Variants in EDIL3 observed in about 807,000 individuals in gnomAD.
The protein encoded by EDIL3 is EGF-like repeat and discoidin I-like domain-containing protein 3.
Under a neutral mutation model 67.4 loss-of-function variants are expected in EDIL3, and 37 were observed. The observed-to-expected ratio is 0.55, with a 90% confidence interval of 0.42 to 0.72. EDIL3 has a LOEUF of 0.72. Ranked by LOEUF, EDIL3 falls within the 30% of genes least tolerant of loss-of-function variation. The pLI is 0.00. For synonymous variants in EDIL3, 195 were observed against 196.3 expected (o/e 0.99, Z 0.05); for missense variants, 527 against 586.3 (o/e 0.90, Z 1.04).
At chr5:84,025,766 G>A (rs1745799496) in intron 9 of EDIL3, among the ~76,000 whole-genome samples, 1 of 152,026 alleles carries the variant, frequency 6.6e-6, no homozygotes, top group Non-Finnish European at 1.5e-5. Flanking sequence ...CAAATATTTG[G>A]CATCATGATT....
At chr5:84,124,506 A>G (rs1747831868) in intron 5 of EDIL3, among the ~76,000 whole-genome samples, 1 of 151,936 alleles carries the variant, frequency 6.6e-6, no homozygotes, top group Admixed American at 6.6e-5. Context: ...TGAAAACTCT[A>G]TCGGAGATGC....
At chr5:84,137,427 T>C in intron 4 of EDIL3, 73 bp from the exon 5 acceptor site, 1 of 1,326,180 alleles carries the variant, frequency 7.5e-7, no homozygotes, top group Non-Finnish European at 1.1e-6. Context: ...AGTTTTAACA[T>C]TTGAAATACA....
intron 6 of EDIL3, chr5:84,078,940 T>A (rs1425700992): frequency 6.6e-6 from 1 of 152,110 alleles, no homozygotes; most frequent in East Asian, 1.9e-4. Flanking sequence ...AGGGAACCAA[T>A]CAGGTGATTG....
chr5:83,941,679 T>G lies in EDIL3; in HGVS notation c.*1740A>C, dbSNP rs1037696998. On this transcript the variant is annotated 3_prime_UTR_variant, in exon 11 of 11. Transcript: ENST00000296591. ...ATGGAGGAAATAGTAATTTTGTTTT[T>G]GAAAGATGTTGAAAACTGATCACCA... 1 of 152,016 alleles carries G rather than the reference T, an allele frequency of 6.6e-6. No individual in the cohort carries two copies. The highest frequency in any genetic ancestry group is 6.6e-5 in the Admixed American group (1 of 15,232). The allele number at this position is 152,016 out of a possible 1,614,324, so 9.4% of individuals were successfully genotyped here.
intron 2 of EDIL3, among the ~76,000 whole-genome samples, chr5:84,232,162 T>C (rs1170403520): frequency 6.6e-6 from 1 of 152,218 alleles, no homozygotes. Context: ...CGAAATTCAC[T>C]AGGTACTATT....
intron 1 of EDIL3, among the ~76,000 whole-genome samples, chr5:84,312,607 G>T (rs1286522543): frequency 1.2e-4 from 17 of 145,620 alleles, no homozygotes; most frequent in Non-Finnish European, 2.2e-4. Context: ...CCGGGCGGGG[G>T]GCTGACCCCC....
At chr5:84,118,768 G>T (rs768421463) in intron 5 of EDIL3, among the ~76,000 whole-genome samples, 1 of 152,128 alleles carries the variant, frequency 6.6e-6, no homozygotes, top group African/African-American at 2.4e-5. Flanking sequence ...TAATCCAGTG[G>T]TGTACAAATT....
chr5:84,312,295 C>A (rs1239674433), intron 1 of EDIL3, among the ~76,000 whole-genome samples: 3 of 144,544 alleles, frequency 2.1e-5, no homozygotes, highest in Non-Finnish European at 3.1e-5. Context: ...CTGACCCCCC[C>A]ACCTCCCTCC....
chr5:84,355,039 G>A (rs1303888852), intron 1 of EDIL3, among the ~76,000 whole-genome samples: 3 of 152,122 alleles, frequency 2.0e-5, no homozygotes, highest in Non-Finnish European at 4.4e-5. Context: ...TGTCTTGCTA[G>A]GCTAGGGAAG....
At position 83,941,884 on chromosome 5, in the gene EDIL3, T is replaced by A. The variant is rs897022412; in HGVS notation, c.*1535A>T. The stretch of plus-strand genomic sequence containing the variant: ...CACTATGATTGAAGACCACTCCATA[T>A]ATACATCATTAAGAAATGCTGTTAA... On this transcript the variant is annotated 3_prime_UTR_variant, in exon 11 of 11. Transcript: ENST00000296591. 2 of 151,998 alleles carry A rather than the reference T, an allele frequency of 1.3e-5. No homozygotes were observed. The highest frequency in any genetic ancestry group is 4.1e-4 in the South Asian group (2 of 4,832). The allele number at this position is 151,998 out of a possible 1,614,324, so 9.4% of individuals were successfully genotyped here.
chr5:84,064,546 C>T (rs1192953838), intron 8 of EDIL3, among the ~76,000 whole-genome samples, 154 bp downstream of exon 8: 1 of 152,196 alleles, frequency 6.6e-6, no homozygotes, highest in East Asian at 1.9e-4. Context: ...TATACATAAA[C>T]ACACACTGGT....
intron 9 of EDIL3, among the ~76,000 whole-genome samples, chr5:84,053,782 A>C (rs1490833052): frequency 2.6e-5 from 4 of 151,894 alleles, no homozygotes; most frequent in Admixed American, 6.6e-5. Flanking sequence ...TCTGAATAGA[A>C]CAATAACAGG....
At chr5:84,294,551 CATACATAT>C (rs558830188) in intron 1 of EDIL3, among the ~76,000 whole-genome samples, 72 of 151,914 alleles carry the variant, frequency 4.7e-4, no homozygotes, top group Middle Eastern at 3.4e-3. Flanking sequence ...TATATATGTG[CATACATAT>C]ATACATATAT....
intron 1 of EDIL3, among the ~76,000 whole-genome samples, chr5:84,266,637 C>T (rs1289390004): frequency 2.0e-5 from 3 of 152,148 alleles, no homozygotes; most frequent in Admixed American, 1.3e-4. Context: ...CTCTGATGCT[C>T]TCAGAGTTTG....
intron 1 of EDIL3, among the ~76,000 whole-genome samples, chr5:84,312,786 G>A (rs1426823117): frequency 6.6e-6 from 1 of 152,184 alleles, no homozygotes; most frequent in Non-Finnish European, 1.5e-5. Context: ...ATTTTTGTCA[G>A]CTGTACATAA....
At chr5:84,013,569 T>C (rs1172230012) in intron 9 of EDIL3, among the ~76,000 whole-genome samples, 1 of 152,184 alleles carries the variant, frequency 6.6e-6, no homozygotes, top group Non-Finnish European at 1.5e-5. Flanking sequence ...GATATGCACA[T>C]CATTCATGTA....
rs143191011 is a variant in EDIL3 at position 84,079,326 on chromosome 5, C to G, written c.652-12720G>C. 3.8e-3 allele frequency among the ~76,000 whole-genome samples: 577 copies of G among 152,112 alleles called. 1 individual carries two copies. Among genetic ancestry groups the G allele is most frequent in the Non-Finnish European group, 6.6e-3 (450 of 67,998 alleles). ...ACCCAGTGAGGGTGTAGTGGGAACC[C>G]CAATTCAGATGCAATTAGCGTCTGA... On this transcript the variant is annotated intron_variant, in intron 6 of 10. Coordinates refer to ENST00000296591, the MANE Select transcript of EDIL3 (RefSeq NM_005711.5).
intron 4 of EDIL3, among the ~76,000 whole-genome samples, chr5:84,151,264 TACACACACAC>T (rs201338208): frequency 2.3e-5 from 3 of 129,558 alleles, no homozygotes; most frequent in Non-Finnish European, 5.0e-5. Context: ...CACACGCACA[TACACACACAC>T]ACACACACAC....
chr5:84,112,750 A>T (rs149756318), intron 5 of EDIL3, among the ~76,000 whole-genome samples: 1 of 152,126 alleles, frequency 6.6e-6, no homozygotes, highest in Admixed American at 6.6e-5. Context: ...AAGATAGAGA[A>T]CCCCTTTGTA....
Sources: gnomAD v4.1 joint callset for allele counts (sites outside exome capture counted in the v4.1 genomes callset) on GRCh38, gnomAD v4.1.1 for gene constraint, MANE v1.5 for transcripts, NCBI Gene and HGNC (gene_info 2026-07-23, HGNC 2026-07-21) for gene names.